Variants in DIAPH3 observed in about 807,000 individuals in gnomAD.
The protein encoded by DIAPH3 is protein diaphanous homolog 3.
A neutral mutation model predicts 144.3 loss-of-function variants in DIAPH3; 117 were observed. That is an observed-to-expected ratio of 0.81 (90% CI 0.70 to 0.95). The LOEUF (loss-of-function observed/expected upper bound fraction) is 0.95, where lower values mean the gene tolerates loss of function less well. Among genes scored for constraint, DIAPH3 ranks in the 40% least tolerant of loss-of-function variants. The probability of loss-of-function intolerance (pLI) is 0.00; values close to 1 mark genes in which losing one functional copy is unlikely to be tolerated. For missense variants in DIAPH3, 1,421 were observed against 1,412.7 expected, an observed-to-expected ratio of 1.01 and a Z score of -0.09; for synonymous variants, 519 against 488.9, an observed-to-expected ratio of 1.06 and a Z score of -0.81.
intron 27 of DIAPH3, among the ~76,000 whole-genome samples, chr13:59,670,314 T>A (rs911125656): frequency 1.3e-5 from 2 of 152,330 alleles, no homozygotes; most frequent in East Asian, 1.9e-4. Flanking sequence ...AAGAGTTTTT[T>A]AAAAGATGTT....
chr13:59,996,235 C>T (rs1431274389), intron 9 of DIAPH3, among the ~76,000 whole-genome samples: 1 of 152,032 alleles, frequency 6.6e-6, no homozygotes, highest in African/African-American at 2.4e-5. Context: ...AGCCAGTAAA[C>T]AAACAATTGC....
At chr13:60,150,223 C>T (rs1484908371) in intron 1 of DIAPH3, among the ~76,000 whole-genome samples, 1 of 152,034 alleles carries the variant, frequency 6.6e-6, no homozygotes, top group Non-Finnish European at 1.5e-5. Flanking sequence ...CGGGGTTTCA[C>T]CATGTTGCCC....
chr13:59,762,084 C>CAG (rs55724703), intron 27 of DIAPH3, among the ~76,000 whole-genome samples: 33,781 of 98,386 alleles, frequency 0.34, 6,605 homozygotes, highest in African/African-American at 0.46. Flanking sequence ...TTTTTTTAGA[C>CAG]AGTCTTGCTC....
chr13:59,827,997 G>C (rs1437642288), intron 24 of DIAPH3, among the ~76,000 whole-genome samples: 1 of 151,966 alleles, frequency 6.6e-6, no homozygotes, highest in Non-Finnish European at 1.5e-5. Context: ...AGCATGCAGT[G>C]AATCTAAAAC....
At chr13:60,003,165 G>A (rs547832168) in intron 9 of DIAPH3, among the ~76,000 whole-genome samples, 1 of 152,212 alleles carries the variant, frequency 6.6e-6, no homozygotes, top group South Asian at 2.1e-4. Flanking sequence ...AGAGAGTTGG[G>A]AGTGGCACTT....
At chr13:60,008,724 A>G in intron 8 of DIAPH3, 75 bp from the exon 9 acceptor site, 2 of 937,678 alleles carry the variant, frequency 2.1e-6, no homozygotes, top group Non-Finnish European at 3.5e-6. Flanking sequence ...TTATCCTACT[A>G]AAGAAGTCAA....
At chr13:59,733,252 T>C (rs1226152886) in intron 27 of DIAPH3, among the ~76,000 whole-genome samples, 1 of 152,212 alleles carries the variant, frequency 6.6e-6, no homozygotes, top group Non-Finnish European at 1.5e-5. Flanking sequence ...AGCACATTAA[T>C]GAATATGAAA....
intron 25 of DIAPH3, among the ~76,000 whole-genome samples, chr13:59,797,599 T>A (rs1286800228): frequency 6.6e-6 from 1 of 152,204 alleles, no homozygotes; most frequent in Admixed American, 6.5e-5. Flanking sequence ...CAATATCACC[T>A]GCCAGCAAAA....
intron 27 of DIAPH3, among the ~76,000 whole-genome samples, chr13:59,682,277 CTTTTT>C (rs963449341): frequency 5.3e-5 from 8 of 152,072 alleles, no homozygotes; most frequent in Non-Finnish European, 8.8e-5. Flanking sequence ...CAGTTGTTTT[CTTTTT>C]TAACAAAAAT....
intron 27 of DIAPH3, among the ~76,000 whole-genome samples, chr13:59,714,136 G>A (rs1380692347): frequency 4.6e-5 from 7 of 151,960 alleles, no homozygotes; most frequent in East Asian, 1.9e-4. Flanking sequence ...CGAGGCGGGC[G>A]GATCACGAGG....
At chr13:59,872,755 G>A (rs1359967896) in intron 21 of DIAPH3, among the ~76,000 whole-genome samples, 1 of 152,146 alleles carries the variant, frequency 6.6e-6, no homozygotes, top group Non-Finnish European at 1.5e-5. Context: ...ATTCACCTTC[G>A]GTGCTATCTC....
chr13:59,824,944 G>C (rs568282634), intron 24 of DIAPH3, among the ~76,000 whole-genome samples: 1 of 152,098 alleles, frequency 6.6e-6, no homozygotes, highest in Non-Finnish European at 1.5e-5. Context: ...AAATAAAAAT[G>C]TATTCTATAT....
At chr13:60,128,758 A>C (rs547092395) in intron 2 of DIAPH3, among the ~76,000 whole-genome samples, 1 of 151,584 alleles carries the variant, frequency 6.6e-6, no homozygotes, top group African/African-American at 2.4e-5. Context: ...CATGAAATCA[A>C]TTTAGTGGAT....
At chr13:59,866,186 A>G (rs1239802180) in intron 21 of DIAPH3, among the ~76,000 whole-genome samples, 1 of 151,954 alleles carries the variant, frequency 6.6e-6, no homozygotes, top group Non-Finnish European at 1.5e-5. Context: ...TTACCATGAG[A>G]CAGACATTAG....
At chr13:59,678,115 A>G (rs1477341738) in intron 27 of DIAPH3, among the ~76,000 whole-genome samples, 1 of 152,120 alleles carries the variant, frequency 6.6e-6, no homozygotes. Flanking sequence ...CCTTTATGCT[A>G]TTCTCCTATT....
At chr13:60,051,394 T>C (rs2056338138) in intron 4 of DIAPH3, among the ~76,000 whole-genome samples, 1 of 151,684 alleles carries the variant, frequency 6.6e-6, no homozygotes, top group African/African-American at 2.4e-5. Context: ...CTAAGACGGG[T>C]GGATCATCTG....
At chr13:60,101,193 G>C (rs1017796369) in intron 3 of DIAPH3, among the ~76,000 whole-genome samples, 5 of 152,184 alleles carry the variant, frequency 3.3e-5, no homozygotes, top group Non-Finnish European at 7.3e-5. Context: ...ATTGAGGAGA[G>C]AGCTGAGGTT....
In DIAPH3 at chr13:59,799,876, A is replaced by C. The variant is rs892872384; in HGVS notation, c.3163+10912T>G. On this transcript the variant is annotated intron_variant, in intron 25 of 27. Coordinates refer to ENST00000400324, the MANE Select transcript of DIAPH3 (RefSeq NM_001042517.2). ...TATGAAAAGCAAATTTTTCATAGCA[A>C]AATCAAAATATTAACTGAAGTATCA... Among the ~76,000 whole-genome samples, 34 of 152,220 alleles carry C rather than the reference A, an allele frequency of 2.2e-4. 1 individual carries two copies. The highest frequency in any genetic ancestry group is 7.3e-5 in the Non-Finnish European group (5 of 68,034).
chr13:60,158,656 A>G (rs1952137305), intron 1 of DIAPH3, among the ~76,000 whole-genome samples: 1 of 152,134 alleles, frequency 6.6e-6, no homozygotes, highest in Non-Finnish European at 1.5e-5. Context: ...AGAAGCAGCC[A>G]CATTCCACAA....
Sources: gnomAD v4.1 joint callset for allele counts (sites outside exome capture counted in the v4.1 genomes callset) on GRCh38, gnomAD v4.1.1 for gene constraint, MANE v1.5 for transcripts, NCBI Gene and HGNC (gene_info 2026-07-23, HGNC 2026-07-21) for gene names.